The following ERC2 variants were observed in gnomAD, a reference collection of about 807,000 sequenced individuals.
The protein encoded by ERC2 is ERC protein 2.
In ERC2, 42 loss-of-function variants were observed where a neutral mutation model predicts 114.8. The ratio of observed to expected loss-of-function variants is 0.37; its 90% CI spans 0.29 to 0.47. The LOEUF is 0.47. ERC2 is among the 20% of genes least tolerant of loss of function. The probability of loss-of-function intolerance (pLI) is 0.99; values close to 1 mark genes in which losing one functional copy is unlikely to be tolerated. For synonymous variants in ERC2, 454 were observed against 425.5 expected, an observed-to-expected ratio of 1.07 and a Z score of -0.82; for missense variants, 939 against 1,150.7, an observed-to-expected ratio of 0.82 and a Z score of 2.66.
intron 17 of ERC2, among the ~76,000 whole-genome samples, chr3:55,647,584 A>G (rs961833997): frequency 6.6e-6 from 1 of 151,586 alleles, no homozygotes; most frequent in Non-Finnish European, 1.5e-5. Flanking sequence ...TTAAAAAAAG[A>G]GAGAGAGAGA....
intron 2 of ERC2, among the ~76,000 whole-genome samples, chr3:56,373,473 T>C (rs1233125322): frequency 6.6e-6 from 1 of 152,230 alleles, no homozygotes; most frequent in Non-Finnish European, 1.5e-5. Context: ...ACCTGGGACA[T>C]CACTGTATCA....
intron 7 of ERC2, among the ~76,000 whole-genome samples, chr3:56,038,013 A>G (rs2074911097): frequency 6.6e-6 from 1 of 152,212 alleles, no homozygotes. Context: ...AAATCTAAGC[A>G]ATACCATTCA....
rs1280077336 is a variant in ERC2 at position 56,220,746 on chromosome 3, AGCCAAGGTCACGTGCTCAAGGGATGGT to A, written c.1075-47253_1075-47227del. Among the ~76,000 whole-genome samples, 3 of 152,326 alleles carry A rather than the reference AGCCAAGGTCACGTGCTCAAGGGATGGT, an allele frequency of 2.0e-5. No individual in the cohort carries two copies. The East Asian group carries it at 5.8e-4, about 29-fold the overall frequency. The stretch of plus-strand genomic sequence containing the variant: ...CTAGACTAACACATCTGATTGGCAA[AGCCAAGGTCACGTGCTCAAGGGATGGT>A]TGTCTGGGAAGTTGGGAAGTACACA... On this transcript the variant is annotated intron_variant, in intron 3 of 17. Transcript: ENST00000288221.
chr3:55,820,017 T>C (rs2060062506), intron 14 of ERC2, among the ~76,000 whole-genome samples: 1 of 152,148 alleles, frequency 6.6e-6, no homozygotes. Flanking sequence ...AAGTGGATAA[T>C]TGTGCCCATG....
At chr3:56,059,291 C>T (rs1320715917) in intron 7 of ERC2, among the ~76,000 whole-genome samples, 2 of 151,924 alleles carry the variant, frequency 1.3e-5, no homozygotes, top group Non-Finnish European at 2.9e-5. Context: ...GGGGTTTCAC[C>T]TGTTGGCCAC....
chr3:55,999,422 A>T (rs1225091774), intron 10 of ERC2, among the ~76,000 whole-genome samples: 1 of 152,176 alleles, frequency 6.6e-6, no homozygotes, highest in Non-Finnish European at 1.5e-5. Flanking sequence ...TTGCAGAAGC[A>T]CTTAAAAGCT....
chr3:55,733,417 TTCTC>T lies in ERC2; in HGVS notation c.2712+1350_2712+1353del, dbSNP rs527593786. ...TAGTGGTCTGTCTCTCTGTCTCTCT[TTCTC>T]TCTCTCTCTCTCATTCTCTCTGTCT... On this transcript the variant is annotated intron_variant, in intron 15 of 17. Transcript: ENST00000288221. Among the ~76,000 whole-genome samples the T allele has an allele frequency of 9.0e-4, 128 of 141,506 alleles. 1 individual carries two copies. The highest frequency in any genetic ancestry group is 3.3e-3 in the African/African-American group (125 of 37,840). 92.8% of individuals were successfully genotyped at this position (141,506 alleles called of 152,430 possible). A position where few individuals can be genotyped will look rare whatever the true frequency, so the allele number is the denominator to read the frequency against.
At chr3:55,591,407 G>A (rs2057874257) in intron 17 of ERC2, among the ~76,000 whole-genome samples, 1 of 152,016 alleles carries the variant, frequency 6.6e-6, no homozygotes, top group Non-Finnish European at 1.5e-5. Context: ...CATTATGGGT[G>A]GAATGGAACC....
chr3:56,086,669 C>T (rs773239625), intron 6 of ERC2, among the ~76,000 whole-genome samples: 15 of 152,066 alleles, frequency 9.9e-5, no homozygotes, highest in Middle Eastern at 6.8e-3. Flanking sequence ...AGTTTAAATA[C>T]AGGGAAGATA....
In ERC2 at chr3:55,622,030, T is replaced by C. The variant is rs958441241; in HGVS notation, c.*39+61764A>G. ...ATGGTGCTCTTTTCATAAACCTAAC[T>C]GGACATAGTTGGGTAAGAATTTTTC... On this transcript the variant is annotated intron_variant, in intron 17 of 17. Transcript: ENST00000288221. 9.1e-4 allele frequency among the ~76,000 whole-genome samples: 139 copies of C among 152,178 alleles called. 2 individuals carry two copies. The highest frequency in any genetic ancestry group is 9.1e-3 in the Admixed American group (139 of 15,284).
chr3:55,584,000 A>T (rs1479294861), intron 17 of ERC2, among the ~76,000 whole-genome samples: 1 of 152,196 alleles, frequency 6.6e-6, no homozygotes, highest in Non-Finnish European at 1.5e-5. Context: ...CTCAAGCCTC[A>T]GTTTTCTTAC....
At chr3:56,394,037 T>G (rs564620648) in intron 2 of ERC2, among the ~76,000 whole-genome samples, 1 of 152,282 alleles carries the variant, frequency 6.6e-6, no homozygotes, top group Admixed American at 6.5e-5. Flanking sequence ...CTTTGATAAG[T>G]AGAGAATTTT....
At chr3:55,705,039 T>A (rs890669814) in intron 15 of ERC2, among the ~76,000 whole-genome samples, 1 of 152,010 alleles carries the variant, frequency 6.6e-6, no homozygotes, top group Non-Finnish European at 1.5e-5. Context: ...GACTCCAGAG[T>A]CCTACAGCAG....
chr3:55,721,106 T>C (rs1195399126), intron 15 of ERC2, among the ~76,000 whole-genome samples: 1 of 152,196 alleles, frequency 6.6e-6, no homozygotes, highest in Non-Finnish European at 1.5e-5. Context: ...TATTTCCTGA[T>C]GGGGAAAATG....
At chr3:56,002,769 G>A (rs1284012851) in intron 10 of ERC2, among the ~76,000 whole-genome samples, 1 of 151,918 alleles carries the variant, frequency 6.6e-6, no homozygotes, top group African/African-American at 2.4e-5. Context: ...TATCCCTTTC[G>A]GCCTAGATAT....
chr3:55,787,242 C>T (rs1403137281), intron 14 of ERC2, among the ~76,000 whole-genome samples: 1 of 152,000 alleles, frequency 6.6e-6, no homozygotes, highest in Non-Finnish European at 1.5e-5. Flanking sequence ...ATGGTGAAAC[C>T]CTGTCTCTAC....
At chr3:55,669,299 A>G (rs1415866701) in intron 17 of ERC2, among the ~76,000 whole-genome samples, 1 of 152,220 alleles carries the variant, frequency 6.6e-6, no homozygotes, top group African/African-American at 2.4e-5. Flanking sequence ...AAACACAAAG[A>G]ACCCATAATC....
chr3:55,643,117 G>GAC (rs1286224259), intron 17 of ERC2, among the ~76,000 whole-genome samples: 1 of 152,194 alleles, frequency 6.6e-6, no homozygotes, highest in Admixed American at 6.5e-5. Flanking sequence ...CAGTCTTCCT[G>GAC]ACACTGCTTG....
intron 13 of ERC2, among the ~76,000 whole-genome samples, chr3:55,928,219 C>T (rs1311602226): frequency 6.6e-6 from 1 of 152,188 alleles, no homozygotes; most frequent in Non-Finnish European, 1.5e-5. Flanking sequence ...AGTGGTTACA[C>T]TCCTACCAAC....
Sources: gnomAD v4.1 joint callset for allele counts (sites outside exome capture counted in the v4.1 genomes callset) on GRCh38, gnomAD v4.1.1 for gene constraint, MANE v1.5 for transcripts, NCBI Gene and HGNC (gene_info 2026-07-23, HGNC 2026-07-21) for gene names.